Variants in MAP3K20 observed in about 807,000 individuals in gnomAD.
MAP3K20 encodes HCCS-4.
In MAP3K20, 40 loss-of-function variants were observed where a neutral mutation model predicts 85.7. The ratio of observed to expected loss-of-function variants is 0.47; its 90% CI spans 0.36 to 0.61. The LOEUF (loss-of-function observed/expected upper bound fraction) is 0.61. Ranked by LOEUF, MAP3K20 falls within the 20% of genes least tolerant of loss-of-function variation. The pLI is 0.00. For missense variants in MAP3K20, 817 were observed against 961.7 expected (o/e 0.85, Z 1.99); for synonymous variants, 325 against 327.7 (o/e 0.99, Z 0.09).
intron 1 of MAP3K20, among the ~76,000 whole-genome samples, chr2:173,085,786 T>TA (rs1687128357): frequency 8.2e-6 from 1 of 122,032 alleles, no homozygotes; most frequent in African/African-American, 3.2e-5. Context: ...TAAAAGCAAT[T>TA]TTTTTTTTTT....
intron 2 of MAP3K20, among the ~76,000 whole-genome samples, chr2:173,120,532 G>A (rs539041975): frequency 1.3e-5 from 2 of 151,320 alleles, no homozygotes; most frequent in African/African-American, 4.9e-5. Context: ...TGGCAGTCTC[G>A]TATCCCAATT....
intron 2 of MAP3K20, chr2:173,160,343 G>A (rs1689620116): frequency 6.6e-6 from 1 of 152,076 alleles, no homozygotes; most frequent in Non-Finnish European, 1.5e-5. Flanking sequence ...CTCCAAGCCT[G>A]CTTTTAAAGT....
At position 173,239,421 on chromosome 2, in the gene MAP3K20, TGAA is replaced by T. The variant is rs756763184; in HGVS notation, c.1288_1290del (p.Glu430del). 1 of 1,613,192 alleles carries T rather than the reference TGAA, an allele frequency of 6.2e-7. No individual in the cohort carries two copies. Among genetic ancestry groups the T allele is most frequent in the Non-Finnish European group, 8.5e-7 (1 of 1,179,800 alleles). Reference sequence around the variant, plus strand: ...TGTTTTAGGACTCAGGAGGTGAACCTGAAGAAAATGAGGAAAAAATAGTGAACC... The same window carrying T: ...TGTTTTAGGACTCAGGAGGTGAACCTGAAAATGAGGAAAAAATAGTGAACC... On this transcript the variant is annotated inframe_deletion, in exon 16 of 20. Transcript: ENST00000375213.
At chr2:173,133,123 A>G (rs1188987257) in intron 2 of MAP3K20, among the ~76,000 whole-genome samples, 1 of 152,232 alleles carries the variant, frequency 6.6e-6, no homozygotes, top group African/African-American at 2.4e-5. Context: ...TAAAATGGGA[A>G]GTATGGTGAA....
At chr2:173,105,695 G>T (rs1479835295) in intron 2 of MAP3K20, among the ~76,000 whole-genome samples, 1 of 152,056 alleles carries the variant, frequency 6.6e-6, no homozygotes. Flanking sequence ...CTTATATGAG[G>T]TACCTAGAAT....
intron 1 of MAP3K20, among the ~76,000 whole-genome samples, chr2:173,081,522 A>G (rs567612229): frequency 5.3e-5 from 8 of 152,336 alleles, no homozygotes; most frequent in Admixed American, 5.2e-4. Context: ...CATTTTGCTG[A>G]TAAAAGAATA....
chr2:173,174,905 C>T (rs1313077809), intron 3 of MAP3K20, among the ~76,000 whole-genome samples: 1 of 152,094 alleles, frequency 6.6e-6, no homozygotes, highest in Non-Finnish European at 1.5e-5. Context: ...GCTACAAGTA[C>T]CCAATGGCAT....
intron 2 of MAP3K20, among the ~76,000 whole-genome samples, chr2:173,094,535 A>G (rs967554982): frequency 1.1e-4 from 16 of 152,224 alleles, no homozygotes; most frequent in Non-Finnish European, 2.4e-4. Context: ...ATTGCATATA[A>G]TCGACATGTC....
chr2:173,111,371 G>A (rs1014508520), intron 2 of MAP3K20, among the ~76,000 whole-genome samples: 2 of 152,158 alleles, frequency 1.3e-5, no homozygotes, highest in Admixed American at 6.5e-5. Context: ...CACTCTGGGG[G>A]TTGTCTGTTT....
intron 2 of MAP3K20, among the ~76,000 whole-genome samples, chr2:173,140,572 A>G (rs1038856494): frequency 1.3e-5 from 2 of 151,506 alleles, no homozygotes; most frequent in African/African-American, 2.4e-5. Flanking sequence ...TTGTTCTCGA[A>G]CTCCCAACCT....
At chr2:173,126,870 G>A (rs950328183) in intron 2 of MAP3K20, among the ~76,000 whole-genome samples, 4 of 152,172 alleles carry the variant, frequency 2.6e-5, no homozygotes, top group African/African-American at 9.7e-5. Flanking sequence ...ATTGATTTCT[G>A]CAACATCAAG....
chr2:173,228,387 C>A (rs1402695625), intron 11 of MAP3K20, among the ~76,000 whole-genome samples: 1 of 152,020 alleles, frequency 6.6e-6, no homozygotes, highest in Non-Finnish European at 1.5e-5. Flanking sequence ...CTCTTCTTGC[C>A]CTGAAGGACC....
chr2:173,205,121 AAT>A (rs1683639379), intron 9 of MAP3K20, among the ~76,000 whole-genome samples: 3 of 144,736 alleles, frequency 2.1e-5, no homozygotes, highest in African/African-American at 7.9e-5. Flanking sequence ...AAAAAAAAAA[AAT>A]AAATAAATAA....
At chr2:173,255,081 T>TA (rs1685127941) in intron 16 of MAP3K20, among the ~76,000 whole-genome samples, 1 of 152,234 alleles carries the variant, frequency 6.6e-6, no homozygotes, top group South Asian at 2.1e-4. Context: ...ATGGTTCAGG[T>TA]AAAAGCCTTT....
intron 9 of MAP3K20, 32 bp from the exon 10 acceptor site, chr2:173,209,697 C>T (rs1485554027): frequency 6.4e-7 from 1 of 1,566,608 alleles, no homozygotes; most frequent in South Asian, 1.2e-5. Flanking sequence ...TCTTAAGTCC[C>T]AGCGAATGAT....
intron 16 of MAP3K20, among the ~76,000 whole-genome samples, chr2:173,241,410 C>CG (rs1326362331): frequency 6.6e-6 from 1 of 151,992 alleles, no homozygotes; most frequent in Non-Finnish European, 1.5e-5. Flanking sequence ...CCTAGGAGTT[C>CG]GAGACCAGCC....
intron 2 of MAP3K20, among the ~76,000 whole-genome samples, chr2:173,153,265 T>A (rs1689358028): frequency 6.6e-6 from 1 of 152,222 alleles, no homozygotes; most frequent in Non-Finnish European, 1.5e-5. Flanking sequence ...ATCATCTCTT[T>A]AACTTTTCTC....
At chr2:173,262,943 C>T (rs1051446187) in intron 18 of MAP3K20, among the ~76,000 whole-genome samples, 1 of 152,206 alleles carries the variant, frequency 6.6e-6, no homozygotes, top group Non-Finnish European at 1.5e-5. Flanking sequence ...GTTTTGGAGA[C>T]AGCACACCCA....
intron 11 of MAP3K20, chr2:173,222,582 T>A (rs6746658): frequency 0.21 from 207,456 of 985,172 alleles, 22,167 homozygotes; most frequent in South Asian, 0.32. Flanking sequence ...GTGGGGTATG[T>A]GTGGTGGTTT....
Sources: allele counts gnomAD v4.1 joint callset (sites outside exome capture counted in the v4.1 genomes callset), GRCh38; gene constraint gnomAD v4.1.1; transcripts MANE v1.5; gene names NCBI Gene and HGNC (gene_info 2026-07-23, HGNC 2026-07-21).